The following VGLL4 variants were observed in gnomAD, a reference collection of about 807,000 sequenced individuals.
VGLL4 encodes vestigial like family member 4, also known as transcription cofactor vestigial-like protein 4.
In VGLL4, 7 loss-of-function variants were observed where a neutral mutation model predicts 21.0. The observed-to-expected ratio is 0.33, with a 90% CI of 0.19 to 0.63. The LOEUF is 0.63. Ranked by LOEUF, VGLL4 falls within the 20% of genes least tolerant of loss-of-function variation. The pLI, the probability that VGLL4 is intolerant of heterozygous loss-of-function variation, is 0.78. For synonymous variants in VGLL4, 222 were observed against 173.2 expected, an observed-to-expected ratio of 1.28 and a Z score of -2.21; for missense variants, 394 against 425.7, an observed-to-expected ratio of 0.93 and a Z score of 0.66.
intron 1 of VGLL4, among the ~76,000 whole-genome samples, chr3:11,604,839 G>T (rs887934272): frequency 3.5e-5 from 5 of 143,920 alleles, no homozygotes; most frequent in African/African-American, 1.3e-4. Context: ...CTTGTGTAAT[G>T]GTGAACTAAG....
chr3:11,594,909 C>T (rs1446661256), intron 2 of VGLL4, among the ~76,000 whole-genome samples: 1 of 152,224 alleles, frequency 6.6e-6, no homozygotes, highest in East Asian at 1.9e-4. Flanking sequence ...CGCCAGTAAT[C>T]CCAGCACTTT....
chr3:11,682,541 G>A (rs1413391410), intron 2 of VGLL4, among the ~76,000 whole-genome samples: 1 of 151,950 alleles, frequency 6.6e-6, no homozygotes, highest in African/African-American at 2.4e-5. Flanking sequence ...TCTCACAATT[G>A]CACTCCAGCT....
chr3:11,600,229 T>A (rs1158188831), intron 2 of VGLL4, among the ~76,000 whole-genome samples: 1 of 152,134 alleles, frequency 6.6e-6, no homozygotes, highest in Non-Finnish European at 1.5e-5. Context: ...GACAAGGATA[T>A]CACTGTCAAG....
At chr3:11,582,729 C>T (rs780273428) in intron 2 of VGLL4, among the ~76,000 whole-genome samples, 6 of 152,154 alleles carry the variant, frequency 3.9e-5, no homozygotes, top group South Asian at 2.1e-4. Flanking sequence ...GGAGACGCTC[C>T]GAAGGCACGA....
intron 1 of VGLL4, chr3:11,626,615 G>A (rs2075356422): frequency 3.4e-6 from 1 of 292,508 alleles, no homozygotes; most frequent in Non-Finnish European, 6.8e-6. Flanking sequence ...CCTCTTCAAT[G>A]AGAATGGGGC....
At chr3:11,561,002 A>G (rs561839371) in intron 3 of VGLL4, among the ~76,000 whole-genome samples, 1 of 152,216 alleles carries the variant, frequency 6.6e-6, no homozygotes, top group South Asian at 2.1e-4. Context: ...GCAAGAGAGC[A>G]GAATACCGAG....
chr3:11,564,204 CCAAG>C (rs1249732902), intron 3 of VGLL4, among the ~76,000 whole-genome samples: 1 of 152,190 alleles, frequency 6.6e-6, no homozygotes, highest in African/African-American at 2.4e-5. Context: ...TTTGTTTCTA[CCAAG>C]CAAGCTGTGT....
chr3:11,585,633 G>A (rs1195980654), intron 2 of VGLL4, among the ~76,000 whole-genome samples: 1 of 152,188 alleles, frequency 6.6e-6, no homozygotes, highest in Non-Finnish European at 1.5e-5. Context: ...TTTTAAAAAA[G>A]TAAAACTGCT....
Position 11,698,300 on chromosome 3 carries a change from G to C in VGLL4, c.64+4671C>G, listed in dbSNP as rs377478905. On this transcript the variant is annotated intron_variant, in intron 2 of 5. Coordinates refer to the VGLL4 transcript ENST00000273038. ...AAGGCGGGTGGATTGCCTGAGCTCA[G>C]GAGTTTGAGACCAGCTTGGGCAACA... Among the ~76,000 whole-genome samples, 3 of 152,138 alleles carry C rather than the reference G, an allele frequency of 2.0e-5. No individual in the cohort carries two copies. In the East Asian group the frequency reaches 5.8e-4, roughly 29 times the overall value.
intron 1 of VGLL4, chr3:11,612,290 G>T (rs1207292320): frequency 2.0e-5 from 3 of 151,846 alleles, no homozygotes; most frequent in Non-Finnish European, 4.4e-5. Context: ...CATTTACCCT[G>T]TTGGATTTAG....
intron 1 of VGLL4, among the ~76,000 whole-genome samples, chr3:11,603,955 G>C (rs1414078262): frequency 1.3e-5 from 2 of 152,198 alleles, no homozygotes; most frequent in African/African-American, 4.8e-5. Context: ...TTCCATCCTA[G>C]TAAAAATTCT....
At chr3:11,690,623 G>A (rs2076513166) in intron 2 of VGLL4, among the ~76,000 whole-genome samples, 3 of 151,852 alleles carry the variant, frequency 2.0e-5, no homozygotes, top group South Asian at 2.1e-4. Flanking sequence ...AAGAAAAGAC[G>A]TTTAAGCAAC....
At chr3:11,674,023 A>T (rs2076254834) in intron 2 of VGLL4, among the ~76,000 whole-genome samples, 1 of 150,958 alleles carries the variant, frequency 6.6e-6, no homozygotes, top group Non-Finnish European at 1.5e-5. Flanking sequence ...AAAAAAAAAA[A>T]AAAAAAAAAA....
At chr3:11,706,030 C>T (rs571904277) in intron 1 of VGLL4, among the ~76,000 whole-genome samples, 1 of 152,278 alleles carries the variant, frequency 6.6e-6, no homozygotes, top group South Asian at 2.1e-4. Flanking sequence ...TAATTTTACC[C>T]CATTAAGTTG....
intron 2 of VGLL4, among the ~76,000 whole-genome samples, chr3:11,700,918 C>A (rs961350857): frequency 3.9e-5 from 6 of 152,148 alleles, no homozygotes; most frequent in Non-Finnish European, 8.8e-5. Context: ...TTATACCTCA[C>A]CATCAGGTGG....
At chr3:11,580,890 A>G (rs56072092) in intron 2 of VGLL4, among the ~76,000 whole-genome samples, 152,293 of 152,346 alleles carry the variant, frequency 1, 76,120 homozygotes, top group Middle Eastern at 1. Context: ...TATAAGCTAC[A>G]TATTTGTGGT....
rs537633427 is a variant in VGLL4 at position 11,616,344 on chromosome 3, G to GCGTTATGGCTCTTAATCCTAT, written c.83-14343_83-14323dup. On this transcript the variant is annotated intron_variant, in intron 1 of 4. Coordinates refer to ENST00000430365, the MANE Select transcript of VGLL4 (RefSeq NM_001128219.3). ...GTCTGAAAACATTTACAAGCATCCT[G>GCGTTATGGCTCTTAATCCTAT]CGTTATGGCTCTTAATCCTATCGCC... Among the ~76,000 whole-genome samples the GCGTTATGGCTCTTAATCCTAT allele has an allele frequency of 2.7e-3, 413 of 152,264 alleles. 4 individuals are homozygous for GCGTTATGGCTCTTAATCCTAT. Among genetic ancestry groups the GCGTTATGGCTCTTAATCCTAT allele is most frequent in the African/African-American group, 9.6e-3 (400 of 41,538 alleles).
intron 1 of VGLL4, among the ~76,000 whole-genome samples, chr3:11,617,417 C>A (rs940114908): frequency 6.6e-6 from 1 of 152,202 alleles, no homozygotes; most frequent in African/African-American, 2.4e-5. Flanking sequence ...CCACTGTAAG[C>A]ACTGACACAG....
chr3:11,711,397 G>A (rs2076842446), intron 1 of VGLL4, among the ~76,000 whole-genome samples: 1 of 151,782 alleles, frequency 6.6e-6, no homozygotes, highest in Non-Finnish European at 1.5e-5. Context: ...ACCCCATCTC[G>A]ACTAAAAGTA....
Sources: allele counts gnomAD v4.1 joint callset (sites outside exome capture counted in the v4.1 genomes callset), GRCh38; gene constraint gnomAD v4.1.1; transcripts MANE v1.5; gene names NCBI Gene and HGNC (gene_info 2026-07-23, HGNC 2026-07-21).